BCL2L13: variants seen among roughly 807,000 people sequenced by gnomAD.
BCL2L13 encodes BCL2 like 13, also known as bcl-2-like protein 13.
Under a neutral mutation model 25.8 loss-of-function variants are expected in BCL2L13, and 13 were observed. The observed-to-expected ratio is 0.50, with a 90% CI of 0.33 to 0.80. The LOEUF (loss-of-function observed/expected upper bound fraction) is 0.80. Ranked by LOEUF, BCL2L13 falls within the 30% of genes least tolerant of loss-of-function variation. The pLI, the probability that BCL2L13 is intolerant of heterozygous loss-of-function variation, is 0.02. For missense variants in BCL2L13, 504 were observed against 574.9 expected, an observed-to-expected ratio of 0.88 and a Z score of 1.26; for synonymous variants, 244 against 230.3, an observed-to-expected ratio of 1.06 and a Z score of -0.54.
chr22:17,682,503 T>G (rs1048390498), intron 2 of BCL2L13, among the ~76,000 whole-genome samples: 4 of 152,210 alleles, frequency 2.6e-5, no homozygotes, highest in African/African-American at 9.6e-5. Flanking sequence ...CACTGAAATA[T>G]TAATAGCATG....
intron 4 of BCL2L13, among the ~76,000 whole-genome samples, chr22:17,693,384 T>C (rs1488638959): frequency 7.6e-6 from 1 of 131,090 alleles, no homozygotes; most frequent in African/African-American, 2.9e-5. Flanking sequence ...TTTTTTTTTT[T>C]TTTTTTTTTT....
intron 6 of BCL2L13, among the ~76,000 whole-genome samples, chr22:17,713,460 A>AT (rs34378723): frequency 0.49 from 65,049 of 131,894 alleles, 16,729 homozygotes; most frequent in East Asian, 0.79. Flanking sequence ...TTGAAAATGC[A>AT]TTTTTTTTTT....
At chr22:17,686,378 AAGCATAGGTTGTAGTG>A (rs1268930063) in intron 3 of BCL2L13, among the ~76,000 whole-genome samples, 1 of 152,076 alleles carries the variant, frequency 6.6e-6, no homozygotes, top group Non-Finnish European at 1.5e-5. Context: ...TGAACCCAGG[AAGCATAGGTTGTAGTG>A]AGCCAAGATC....
At chr22:17,699,828 G>A (rs2060378342) in intron 5 of BCL2L13, among the ~76,000 whole-genome samples, 1 of 152,140 alleles carries the variant, frequency 6.6e-6, no homozygotes, top group East Asian at 1.9e-4. Flanking sequence ...ATGTCAAGTT[G>A]ATGGAGGTCA....
At chr22:17,673,136 G>A (rs950819042) in intron 2 of BCL2L13, among the ~76,000 whole-genome samples, 1 of 152,080 alleles carries the variant, frequency 6.6e-6, no homozygotes, top group African/African-American at 2.4e-5. Flanking sequence ...AGACTTGACA[G>A]CCTTTACAGA....
rs534954930 is a variant in BCL2L13, at chr22:17,679,960, C to G, written c.122-3254C>G. On this transcript the variant is annotated intron_variant, in intron 2 of 6. Coordinates refer to ENST00000317582, the MANE Select transcript of BCL2L13 (RefSeq NM_015367.4). ...AGGCACGGTGGCTCACGCCTGTAAT[C>G]CCAGCACTTTGGGAGGCTGGGGCGG... Among the ~76,000 whole-genome samples, 489 of 152,074 alleles carry G rather than the reference C, an allele frequency of 3.2e-3. 6 individuals carry two copies. The highest frequency in any genetic ancestry group is 0.011 in the African/African-American group (455 of 41,474).
intron 2 of BCL2L13, among the ~76,000 whole-genome samples, chr22:17,656,335 C>CTTTTTTTTTTTTTTTTTTTTTTTTTTTT (rs890631679): frequency 3.5e-5 from 2 of 57,882 alleles, no homozygotes; most frequent in Non-Finnish European, 5.4e-5. Flanking sequence ...TCATTTTATT[C>CTTTTTTTTTTTTTTTTTTTTTTTTTTTT]TTTTTTTTTT....
intron 6 of BCL2L13, among the ~76,000 whole-genome samples, chr22:17,716,398 G>A (rs1014398012): frequency 6.6e-6 from 1 of 152,178 alleles, no homozygotes; most frequent in African/African-American, 2.4e-5. Context: ...GTTAATACCA[G>A]TATCTATGTG....
At chr22:17,702,495 A>G (rs551573002) in intron 6 of BCL2L13, 109 bp downstream of exon 6, 20 of 1,051,488 alleles carry the variant, frequency 1.9e-5, no homozygotes, top group Non-Finnish European at 2.4e-5. Flanking sequence ...TGCAGTGTCT[A>G]ATTGCTGGCA....
In BCL2L13 at chr22:17,669,030, C is replaced by CTTTT. The variant is rs537315017; in HGVS notation, c.121+13215_121+13218dup. Among the ~76,000 whole-genome samples, 539 of 111,774 alleles carry CTTTT rather than the reference C, an allele frequency of 4.8e-3. 4 individuals carry two copies. Among genetic ancestry groups the CTTTT allele is most frequent in the East Asian group, 7.0e-3 (26 of 3,738 alleles). 73.3% of individuals were successfully genotyped at this position (111,774 alleles called of 152,430 possible). A position where few individuals can be genotyped will look rare whatever the true frequency, so the allele number is the denominator to read the frequency against. On this transcript the variant is annotated intron_variant, in intron 2 of 6. Coordinates refer to ENST00000317582, the MANE Select transcript of BCL2L13 (RefSeq NM_015367.4). ...AAGTTTATTTGGCTCCTGTTTCTTT[C>CTTTT]TTTTTTTTTTTTTTTTTTTTGAGAC...
chr22:17,722,839 C>T (rs1042492009), intron 6 of BCL2L13, among the ~76,000 whole-genome samples: 2 of 152,088 alleles, frequency 1.3e-5, no homozygotes, highest in Non-Finnish European at 2.9e-5. Context: ...ATATATATAT[C>T]CCTTTAGGAT....
intron 4 of BCL2L13, chr22:17,695,726 C>T (rs1375543616): frequency 2.0e-5 from 3 of 153,282 alleles, no homozygotes; most frequent in African/African-American, 4.8e-5. Flanking sequence ...TGACATGTCT[C>T]TTTAGTTTTA....
intron 2 of BCL2L13, among the ~76,000 whole-genome samples, chr22:17,676,566 G>T (rs905997527): frequency 6.6e-6 from 1 of 152,150 alleles, no homozygotes; most frequent in Non-Finnish European, 1.5e-5. Flanking sequence ...ACCACTTTAC[G>T]GCTGTTTTCC....
intron 1 of BCL2L13, among the ~76,000 whole-genome samples, chr22:17,654,497 A>G (rs1330000704): frequency 6.6e-6 from 1 of 150,868 alleles, no homozygotes; most frequent in Non-Finnish European, 1.5e-5. Flanking sequence ...ATCTCGGCTC[A>G]TTGTAAACTC....
At chr22:17,711,646 T>C (rs1195129762) in intron 6 of BCL2L13, among the ~76,000 whole-genome samples, 1 of 152,204 alleles carries the variant, frequency 6.6e-6, no homozygotes, top group Non-Finnish European at 1.5e-5. Context: ...CTTAGAGCCC[T>C]AAAGGTCTGT....
chr22:17,695,951 T>TC, intron 4 of BCL2L13, 190 bp from the exon 5 acceptor site: 1 of 501,952 alleles, frequency 2.0e-6, no homozygotes, highest in Non-Finnish European at 3.6e-6. Context: ...CAGGCATGCA[T>TC]CACAGCTTAT....
chr22:17,700,929 T>C (rs967263376), intron 5 of BCL2L13, among the ~76,000 whole-genome samples: 1 of 152,202 alleles, frequency 6.6e-6, no homozygotes, highest in Non-Finnish European at 1.5e-5. Flanking sequence ...CCTGCAGAAG[T>C]ATTTTGTCGT....
At chr22:17,705,215 G>C (rs1310556796) in intron 6 of BCL2L13, among the ~76,000 whole-genome samples, 4 of 151,888 alleles carry the variant, frequency 2.6e-5, no homozygotes, top group African/African-American at 9.7e-5. Flanking sequence ...AGAAGTTTCA[G>C]TGAGCTGAGA....
rs1401183258 is a variant in BCL2L13 at position 17,710,006 on chromosome 22, G to C, written c.600+7620G>C. On this transcript the variant is annotated intron_variant, in intron 6 of 6. Transcript: ENST00000317582. ...GATCACTTGAGCCTGGGAGGTCAAG[G>C]CTGCAGTAAGCCAAGATTGCGCCAC... is the stretch of plus-strand genomic sequence containing the variant. Among the ~76,000 whole-genome samples, 4 of 144,496 alleles carry C rather than the reference G, an allele frequency of 2.8e-5. No homozygotes were observed. In the Admixed American group the frequency reaches 2.9e-4, roughly 10 times the overall value. 94.8% of individuals were successfully genotyped at this position (144,496 alleles called of 152,430 possible).
Sources: allele counts gnomAD v4.1 joint callset (sites outside exome capture counted in the v4.1 genomes callset), GRCh38; gene constraint gnomAD v4.1.1; transcripts MANE v1.5; gene names NCBI Gene and HGNC (gene_info 2026-07-23, HGNC 2026-07-21).